The following CDS1 variants were observed in gnomAD, a reference collection of about 807,000 sequenced individuals.
The protein encoded by CDS1 is CDP-diacylglycerol synthase 1.
Under a neutral mutation model 62.1 loss-of-function variants are expected in CDS1, and 41 were observed. The observed-to-expected ratio is 0.66, with a 90% CI of 0.51 to 0.86. The LOEUF is 0.86. CDS1 is among the 40% of genes least tolerant of loss of function. The pLI is 0.00. For missense variants in CDS1, 470 were observed against 550.1 expected, an observed-to-expected ratio of 0.85 and a Z score of 1.46; for synonymous variants, 185 against 192.6, an observed-to-expected ratio of 0.96 and a Z score of 0.32.
intron 1 of CDS1, among the ~76,000 whole-genome samples, chr4:84,583,986 G>T (rs1353417095): frequency 6.6e-6 from 1 of 152,090 alleles, no homozygotes; most frequent in Admixed American, 6.6e-5. Flanking sequence ...GGCTTCTCGC[G>T]CTGCCCCATA....
chr4:84,618,259 A>G (rs914172237), intron 4 of CDS1, among the ~76,000 whole-genome samples: 4 of 152,216 alleles, frequency 2.6e-5, no homozygotes, highest in Non-Finnish European at 4.4e-5. Context: ...CCAGGGAGTC[A>G]GTGTCTTTTT....
rs541673444 is a variant in CDS1 at position 84,597,893 on chromosome 4, G to A, written c.118-6350G>A. On this transcript the variant is annotated intron_variant, in intron 1 of 12. Transcript: ENST00000295887. ...TGTAATCCCAGCACTTTGGGAGGCC[G>A]AGGTGGGCAGATCACGAGGTCAGGA... is the stretch of plus-strand genomic sequence containing the variant. 5.3e-5 allele frequency among the ~76,000 whole-genome samples: 8 copies of A among 152,168 alleles called. No individual in the cohort carries two copies. The South Asian group carries it at 1.0e-3, about 20-fold the overall frequency.
At chr4:84,610,235 C>G (rs1037156930) in intron 3 of CDS1, among the ~76,000 whole-genome samples, 2 of 152,028 alleles carry the variant, frequency 1.3e-5, no homozygotes, top group Admixed American at 6.6e-5. Context: ...GGAGGGGCTT[C>G]CAGAAGAGAC....
At chr4:84,631,902 G>T in intron 6 of CDS1, 25 bp downstream of exon 6, 3 of 1,511,896 alleles carry the variant, frequency 2.0e-6, no homozygotes, top group South Asian at 1.2e-5. Context: ...TTATTCCTTA[G>T]TCATTATCTG....
At chr4:84,609,550 T>G (rs754964163) in intron 3 of CDS1, 25 bp downstream of exon 3, 3 of 1,258,478 alleles carry the variant, frequency 2.4e-6, no homozygotes, top group Non-Finnish European at 3.5e-6. Context: ...TTTCCCTGAG[T>G]GTCTCTTGCT....
intron 3 of CDS1, among the ~76,000 whole-genome samples, chr4:84,611,426 A>G (rs1723319686): frequency 6.6e-6 from 1 of 151,928 alleles, no homozygotes; most frequent in African/African-American, 2.4e-5. Flanking sequence ...GTGTTTATCC[A>G]TTTTGCCAAT....
chr4:84,646,679 A>G (rs1271302720), intron 12 of CDS1, among the ~76,000 whole-genome samples: 1 of 152,136 alleles, frequency 6.6e-6, no homozygotes, highest in African/African-American at 2.4e-5. Context: ...TTTGAGATCT[A>G]TTCTGTGGTA....
intron 5 of CDS1, among the ~76,000 whole-genome samples, chr4:84,622,644 A>G (rs965871120): frequency 6.6e-6 from 1 of 152,172 alleles, no homozygotes; most frequent in Non-Finnish European, 1.5e-5. Context: ...TAAAACATAA[A>G]TCATTTCTAT....
At chr4:84,606,299 TTGTGCAGTGTG>T (rs1288098993) in intron 2 of CDS1, among the ~76,000 whole-genome samples, 5 of 116,354 alleles carry the variant, frequency 4.3e-5, no homozygotes, top group African/African-American at 1.6e-4. Context: ...GGCTTTTTTC[TTGTGCAGTGTG>T]TGTGTGTGTG....
chr4:84,620,090 A>G (rs1723631283), intron 5 of CDS1, among the ~76,000 whole-genome samples: 1 of 151,808 alleles, frequency 6.6e-6, no homozygotes, highest in African/African-American at 2.4e-5. Flanking sequence ...AATTGTAGTA[A>G]AAAAACTTTT....
chr4:84,617,920 T>A (rs1723549340), intron 4 of CDS1, among the ~76,000 whole-genome samples: 1 of 152,170 alleles, frequency 6.6e-6, no homozygotes, highest in Non-Finnish European at 1.5e-5. Context: ...GTCCTTTTTT[T>A]AATAAAAAAC....
At chr4:84,627,050 T>C (rs1363108382) in intron 5 of CDS1, among the ~76,000 whole-genome samples, 1 of 152,216 alleles carries the variant, frequency 6.6e-6, no homozygotes, top group Non-Finnish European at 1.5e-5. Flanking sequence ...TTTCAAATTA[T>C]GTTGTAGAAA....
intron 3 of CDS1, among the ~76,000 whole-genome samples, chr4:84,613,096 ATATAT>A (rs746656455): frequency 6.6e-6 from 1 of 151,702 alleles, no homozygotes; most frequent in Non-Finnish European, 1.5e-5. Flanking sequence ...ATATATATAT[ATATAT>A]TATGTTTTTA....
At chr4:84,590,209 G>T (rs1722551323) in intron 1 of CDS1, among the ~76,000 whole-genome samples, 1 of 152,154 alleles carries the variant, frequency 6.6e-6, no homozygotes. Context: ...GGATTTTGAG[G>T]CAAACATTTT....
Position 84,593,692 on chromosome 4 carries a change from C to T in CDS1, c.117+10174C>T, listed in dbSNP as rs151044101. 9.8e-3 allele frequency among the ~76,000 whole-genome samples: 1,493 copies of T among 151,986 alleles called. 31 individuals carry two copies. Among genetic ancestry groups the T allele is most frequent in the African/African-American group, 0.033 (1,382 of 41,446 alleles). ...ACTAATTTTTGTATTTTCGTAGAGA[C>T]GGGGTTTCACCATGTTGGCCAAGCT... On this transcript the variant is annotated intron_variant, in intron 1 of 12. Coordinates refer to ENST00000295887, the MANE Select transcript of CDS1 (RefSeq NM_001263.4).
chr4:84,642,893 T>C (rs1384005646), intron 10 of CDS1, 131 bp from the exon 11 acceptor site: 8 of 878,134 alleles, frequency 9.1e-6, no homozygotes, highest in African/African-American at 8.3e-5. Context: ...TCCTTAAAGT[T>C]TGAAAAATTA....
intron 5 of CDS1, among the ~76,000 whole-genome samples, chr4:84,622,904 G>C (rs997468000): frequency 1.3e-5 from 2 of 152,050 alleles, no homozygotes; most frequent in African/African-American, 4.8e-5. Context: ...GAGCCAAATA[G>C]TATCTATGAT....
intron 9 of CDS1, among the ~76,000 whole-genome samples, chr4:84,639,240 C>G (rs1724307456): frequency 6.6e-6 from 1 of 152,198 alleles, no homozygotes; most frequent in African/African-American, 2.4e-5. Flanking sequence ...CCAGGTAATT[C>G]TAATGGCCAT....
At chr4:84,584,055 T>C (rs911095711) in intron 1 of CDS1, among the ~76,000 whole-genome samples, 23 of 152,178 alleles carry the variant, frequency 1.5e-4, no homozygotes, top group Non-Finnish European at 2.9e-4. Flanking sequence ...TTTTAGAGTA[T>C]CATGCACGTG....
Sources: gnomAD v4.1 joint callset for allele counts (sites outside exome capture counted in the v4.1 genomes callset) on GRCh38, gnomAD v4.1.1 for gene constraint, MANE v1.5 for transcripts, NCBI Gene and HGNC (gene_info 2026-07-23, HGNC 2026-07-21) for gene names.